Variants in CDH18 observed in about 807,000 individuals in gnomAD.
CDH18 encodes cadherin-18.
Under a neutral mutation model 67.9 loss-of-function variants are expected in CDH18, and 31 were observed. That is an observed-to-expected ratio of 0.46 (90% CI 0.34 to 0.62). The LOEUF is 0.62. Ranked by LOEUF, CDH18 falls within the 20% of genes least tolerant of loss-of-function variation. The pLI, the probability that CDH18 is intolerant of heterozygous loss-of-function variation, is 0.01. For missense variants in CDH18, 890 were observed against 975.5 expected (o/e 0.91, Z 1.17); for synonymous variants, 362 against 347.2 (o/e 1.04, Z -0.48).
intron 2 of CDH18, among the ~76,000 whole-genome samples, chr5:20,106,007 CT>C (rs1208993346): frequency 3.3e-5 from 5 of 152,234 alleles, no homozygotes; most frequent in East Asian, 1.9e-4. Flanking sequence ...TTCTGTCCCC[CT>C]TTTTTTCTGT....
chr5:20,051,367 A>G (rs1580126552), intron 2 of CDH18, among the ~76,000 whole-genome samples: 1 of 151,936 alleles, frequency 6.6e-6, no homozygotes. Flanking sequence ...TTTGTGATAC[A>G]GTCTTCTATA....
At chr5:19,959,215 C>A (rs1415463590) in intron 2 of CDH18, among the ~76,000 whole-genome samples, 1 of 151,904 alleles carries the variant, frequency 6.6e-6, no homozygotes, top group African/African-American at 2.4e-5. Context: ...TTTTACTGGG[C>A]TTAATATTCA....
chr5:19,567,871 A>G (rs1740703022), intron 8 of CDH18, among the ~76,000 whole-genome samples: 1 of 152,106 alleles, frequency 6.6e-6, no homozygotes, highest in Admixed American at 6.6e-5. Context: ...ATGAGTGTTC[A>G]TTTAAGTGCT....
In CDH18 at chr5:19,988,115, G is replaced by A. The variant is rs1799747056; in HGVS notation, c.-405C>T. On this transcript the variant is annotated 5_prime_UTR_variant, in exon 1 of 13. Coordinates refer to ENST00000382275, the MANE Select transcript of CDH18 (RefSeq NM_004934.5). ...GCGGACTTGCCCTAACTGGTGGAAA[G>A]GAACTTAATTTATAAGAAGCAAAGA... 1 of 152,178 alleles carries A rather than the reference G, an allele frequency of 6.6e-6. No homozygotes were observed. The highest frequency in any genetic ancestry group is 2.4e-5 in the African/African-American group (1 of 41,434). The allele number at this position is 152,178 out of a possible 1,614,324, so 9.4% of individuals were successfully genotyped here. A position where few individuals can be genotyped will look rare whatever the true frequency, so the allele number is the denominator to read the frequency against.
Position 20,488,673 on chromosome 5 carries a change from T to TTATA in CDH18, c.-580+86785_-580+86788dup, listed in dbSNP as rs34690857. Among the ~76,000 whole-genome samples, 712 of 126,954 alleles carry TTATA rather than the reference T, an allele frequency of 5.6e-3. 9 individuals are homozygous for TTATA. Among genetic ancestry groups the TTATA allele is most frequent in the Middle Eastern group, 0.032 (7 of 220 alleles). 83.3% of individuals were successfully genotyped at this position (126,954 alleles called of 152,430 possible). ...TCTTTTTGGTTGGAGGGGTAGTGTT[T>TTATA]TATATATATATATATATATATATAT... On this transcript the variant is annotated intron_variant, in intron 1 of 14. Coordinates refer to the CDH18 transcript ENST00000507958.
rs116146747 is a variant in CDH18, at chr5:19,717,555, T to C, written c.643+3792A>G. 3.8e-3 allele frequency among the ~76,000 whole-genome samples: 579 copies of C among 152,222 alleles called. 1 individual carries two copies. Among genetic ancestry groups the C allele is most frequent in the African/African-American group, 0.013 (540 of 41,584 alleles). ...TAGTCACCACCTGACAAAAATTTTATGGTTTCTGAAAAGGCATAGAAAACT... is the reference window on the plus strand; with the variant it reads ...TAGTCACCACCTGACAAAAATTTTACGGTTTCTGAAAAGGCATAGAAAACT... On this transcript the variant is annotated intron_variant, in intron 5 of 12. Transcript: ENST00000382275.
At chr5:20,547,333 T>C (rs12516337) in intron 1 of CDH18, among the ~76,000 whole-genome samples, 68,755 of 151,680 alleles carry the variant, frequency 0.45, 15,876 homozygotes, top group East Asian at 0.57. Flanking sequence ...GAGGCCGAGT[T>C]GGGCGGATCA....
chr5:19,845,812 T>C (rs1782873705), intron 2 of CDH18, among the ~76,000 whole-genome samples: 1 of 151,628 alleles, frequency 6.6e-6, no homozygotes, highest in Non-Finnish European at 1.5e-5. Flanking sequence ...ATGATATAAG[T>C]ATAGCTTTCC....
intron 9 of CDH18, among the ~76,000 whole-genome samples, chr5:19,526,003 A>G (rs1316448848): frequency 6.6e-6 from 1 of 152,274 alleles, no homozygotes; most frequent in African/African-American, 2.4e-5. Flanking sequence ...ATATATTGAA[A>G]TCATGCAAAC....
chr5:19,692,171 A>G (rs1056200175), intron 5 of CDH18, among the ~76,000 whole-genome samples: 1 of 152,056 alleles, frequency 6.6e-6, no homozygotes, highest in African/African-American at 2.4e-5. Flanking sequence ...AGGAAACTTA[A>G]TATCCATATG....
chr5:20,065,273 C>T (rs962296630), intron 2 of CDH18, among the ~76,000 whole-genome samples: 8 of 151,704 alleles, frequency 5.3e-5, no homozygotes, highest in African/African-American at 1.5e-4. Flanking sequence ...TCATTTGTGA[C>T]GTCTTTCATT....
At chr5:20,213,304 T>G (rs1478887501) in intron 2 of CDH18, among the ~76,000 whole-genome samples, 5 of 152,146 alleles carry the variant, frequency 3.3e-5, no homozygotes. Context: ...CGGGCACAGA[T>G]TGTGGTCTCT....
intron 3 of CDH18, among the ~76,000 whole-genome samples, chr5:19,810,168 A>G (rs1384773251): frequency 6.6e-6 from 1 of 151,886 alleles, no homozygotes; most frequent in Non-Finnish European, 1.5e-5. Context: ...CATCTCTACT[A>G]AAAATACAAA....
intron 2 of CDH18, among the ~76,000 whole-genome samples, chr5:20,128,676 A>G (rs1024149837): frequency 1.3e-5 from 2 of 152,148 alleles, no homozygotes; most frequent in East Asian, 3.8e-4. Context: ...TTCCAAGAAC[A>G]AAATATGAGT....
rs373468175 is a variant in CDH18, at chr5:20,468,952, G to A, written c.-580+106510C>T. The stretch of plus-strand genomic sequence containing the variant: ...ATTACTGAGCAAAGAATTCACAAAT[G>A]TTAGTTATCAGTTGATCTAAAAAGA... On this transcript the variant is annotated intron_variant, in intron 1 of 14. Transcript: ENST00000507958. 3.9e-5 allele frequency among the ~76,000 whole-genome samples: 6 copies of A among 152,186 alleles called. No individual in the cohort carries two copies. In the East Asian group the frequency reaches 9.6e-4, roughly 24 times the overall value.
intron 2 of CDH18, among the ~76,000 whole-genome samples, chr5:19,993,398 T>C (rs532861675): frequency 1.3e-5 from 2 of 152,264 alleles, no homozygotes; most frequent in African/African-American, 4.8e-5. Flanking sequence ...CTCTGCACTA[T>C]TAAAGATGAA....
chr5:19,766,086 T>C (rs917474797), intron 3 of CDH18, among the ~76,000 whole-genome samples: 1 of 152,032 alleles, frequency 6.6e-6, no homozygotes, highest in Non-Finnish European at 1.5e-5. Flanking sequence ...ACCATGTTGG[T>C]CAGACTGGTC....
intron 2 of CDH18, among the ~76,000 whole-genome samples, chr5:20,205,136 G>A (rs182441283): frequency 2.3e-4 from 35 of 151,924 alleles, no homozygotes; most frequent in South Asian, 4.1e-4. Context: ...ATAGGAACAA[G>A]AACCCACTTA....
chr5:20,101,937 C>T (rs6889409), intron 2 of CDH18, among the ~76,000 whole-genome samples: 50 of 151,992 alleles, frequency 3.3e-4, no homozygotes, highest in African/African-American at 1.0e-3. Flanking sequence ...CCAGGTGTGG[C>T]GGCACAGCCT....
Sources: gnomAD v4.1 joint callset for allele counts (sites outside exome capture counted in the v4.1 genomes callset) on GRCh38, gnomAD v4.1.1 for gene constraint, MANE v1.5 for transcripts, NCBI Gene and HGNC (gene_info 2026-07-23, HGNC 2026-07-21) for gene names.